The following AGAP1 variants were observed in gnomAD, a reference collection of about 807,000 sequenced individuals.
AGAP1 encodes the protein arf-GAP with GTPase, ANK repeat and PH domain-containing protein 1.
Under a neutral mutation model 105.3 loss-of-function variants are expected in AGAP1, and 29 were observed. That is an observed-to-expected ratio of 0.28 (90% confidence interval 0.21 to 0.38). AGAP1 has a LOEUF of 0.38. Ranked by LOEUF, AGAP1 falls within the 10% of genes least tolerant of loss-of-function variation. The probability of loss-of-function intolerance (pLI) is 1.00; values close to 1 mark genes in which losing one functional copy is unlikely to be tolerated. For synonymous variants in AGAP1, 509 were observed against 485.9 expected, an observed-to-expected ratio of 1.05 and a Z score of -0.63; for missense variants, 998 against 1,165.1, an observed-to-expected ratio of 0.86 and a Z score of 2.09.
chr2:236,007,602 A>G (rs1306740247), intron 13 of AGAP1, among the ~76,000 whole-genome samples: 1 of 152,270 alleles, frequency 6.6e-6, no homozygotes, highest in Non-Finnish European at 1.5e-5. Flanking sequence ...TTTTATTAAA[A>G]AACAATTTTT....
chr2:235,890,162 CTTTTT>C (rs3059035), intron 10 of AGAP1, among the ~76,000 whole-genome samples: 1 of 132,472 alleles, frequency 7.5e-6, no homozygotes, highest in African/African-American at 2.8e-5. Flanking sequence ...TAGTTATTCC[CTTTTT>C]TTTTTTTTTT....
rs1946451209 is a variant in AGAP1, at chr2:235,620,748, G to A, written c.164-88431G>A. ...TTGCCGTTTCCCCAGCACCTAGACA[G>A]GACCTAGCCAATGCTAGGCCCTTTG... On this transcript the variant is annotated intron_variant, in intron 1 of 17. Transcript: ENST00000304032. The surrounding 1 kb of genome is among the most constrained non-coding windows in gnomAD (Gnocchi z 4.5). 6.6e-6 allele frequency among the ~76,000 whole-genome samples: 1 copy of A among 152,230 alleles called. No homozygotes were observed. Among genetic ancestry groups the A allele is most frequent in the Non-Finnish European group, 1.5e-5 (1 of 68,044 alleles).
In AGAP1 at chr2:236,055,925, C is replaced by G. The variant is rs1266784783; in HGVS notation, c.2114+6644C>G. On this transcript the variant is annotated intron_variant, in intron 16 of 17. Coordinates refer to ENST00000304032, the MANE Select transcript of AGAP1 (RefSeq NM_001037131.3). This position sits in a 1 kb window ranked among gnomAD's most constrained non-coding sequence, Gnocchi z 6.2. ...GCTTCAGTTTACTAGAGCTCAGGGC[C>G]CGGATCAGAAATATTCTGCTATAAA... Among the ~76,000 whole-genome samples, 1 of 152,064 alleles carries G rather than the reference C, an allele frequency of 6.6e-6. No individual in the cohort carries two copies. Among genetic ancestry groups the G allele is most frequent in the Non-Finnish European group, 1.5e-5 (1 of 68,016 alleles).
intron 1 of AGAP1, among the ~76,000 whole-genome samples, chr2:235,686,666 T>TATATATATATATATATATATA (rs1222184438): frequency 1.7e-5 from 1 of 60,488 alleles, no homozygotes; most frequent in Non-Finnish European, 2.8e-5. Flanking sequence ...TATATATATA[T>TATATATATATATATATATATA]TTTTTTTTTT....
At chr2:235,812,820 G>A (rs919843170) in intron 9 of AGAP1, among the ~76,000 whole-genome samples, 1 of 152,202 alleles carries the variant, frequency 6.6e-6, no homozygotes, top group African/African-American at 2.4e-5. Flanking sequence ...CAAGGTGAGC[G>A]AGAGGCCCGC....
At position 235,659,812 on chromosome 2, in the gene AGAP1, C is replaced by G. The variant is rs1012469140; in HGVS notation, c.164-49367C>G. Among the ~76,000 whole-genome samples, 2 of 152,194 alleles carry G rather than the reference C, an allele frequency of 1.3e-5. No homozygotes were observed. The highest frequency in any genetic ancestry group is 2.9e-5 in the Non-Finnish European group (2 of 68,042). ...GGGGCCCTGGCCTCTGCAGATAAGC[C>G]CTCGGATGCGAAATCTGGGGAACCA... On this transcript the variant is annotated intron_variant, in intron 1 of 17. Coordinates refer to ENST00000304032, the MANE Select transcript of AGAP1 (RefSeq NM_001037131.3). This position sits in a 1 kb window ranked among gnomAD's most constrained non-coding sequence, Gnocchi z 5.0.
Position 235,612,463 on chromosome 2 carries a change from G to A in AGAP1, c.164-96716G>A, listed in dbSNP as rs59635979. Among the ~76,000 whole-genome samples, 7,143 of 152,246 alleles carry A rather than the reference G, an allele frequency of 0.047. 535 individuals are homozygous for A. Among genetic ancestry groups the A allele is most frequent in the African/African-American group, 0.16 (6,576 of 41,506 alleles). The stretch of plus-strand genomic sequence containing the variant: ...TCAGGGGCAGCGCCTAGAGTGCTGG[G>A]CCCTTCCAGATGATCTATGAATTGG... On this transcript the variant is annotated intron_variant, in intron 1 of 17. Transcript: ENST00000304032. The surrounding 1 kb of genome is among the most constrained non-coding windows in gnomAD (Gnocchi z 4.3).
At chr2:235,509,955 T>C (rs945372482) in intron 1 of AGAP1, among the ~76,000 whole-genome samples, 3 of 151,974 alleles carry the variant, frequency 2.0e-5, no homozygotes, top group Admixed American at 6.6e-5. Context: ...TAGATTCTCA[T>C]AAGCGCACAA....
Position 235,700,298 on chromosome 2 carries a change from G to T in AGAP1, c.164-8881G>T, listed in dbSNP as rs1034212341. On this transcript the variant is annotated intron_variant, in intron 1 of 17. Coordinates refer to ENST00000304032, the MANE Select transcript of AGAP1 (RefSeq NM_001037131.3). This position sits in a 1 kb window ranked among gnomAD's most constrained non-coding sequence, Gnocchi z 6.1. ...GCTCCACTCCTCAAGGCTGTAGGTG[G>T]GCCTCTGTTTTCACATTTTAAGAAG... 6.6e-6 allele frequency among the ~76,000 whole-genome samples: 1 copy of T among 152,134 alleles called. No homozygotes were observed. Among genetic ancestry groups the T allele is most frequent in the Admixed American group, 6.5e-5 (1 of 15,278 alleles).
chr2:235,848,635 T>A (rs1228274122), intron 9 of AGAP1, among the ~76,000 whole-genome samples: 5 of 152,196 alleles, frequency 3.3e-5, no homozygotes, highest in Non-Finnish European at 5.9e-5. Context: ...ATTTTCAGAG[T>A]ACTTTTACAT....
Position 235,934,723 on chromosome 2 carries a change from G to T in AGAP1, c.1483+3800G>T, listed in dbSNP as rs1040048680. Among the ~76,000 whole-genome samples the T allele has an allele frequency of 2.0e-5, 3 of 151,870 alleles. No homozygotes were observed. The highest frequency in any genetic ancestry group is 4.4e-5 in the Non-Finnish European group (3 of 68,018). ...TATCTGCCCCCATCCCTAGTCTTTG[G>T]TTTGGATTTCAGAGTCGCTTACTCT... On this transcript the variant is annotated intron_variant, in intron 12 of 17. Transcript: ENST00000304032. This position sits in a 1 kb window ranked among gnomAD's most constrained non-coding sequence, Gnocchi z 4.9.
intron 3 of AGAP1, among the ~76,000 whole-genome samples, chr2:235,735,468 C>A (rs1177623202): frequency 2.6e-5 from 4 of 152,138 alleles, no homozygotes; most frequent in Admixed American, 2.6e-4. Context: ...TTGAAGGAAC[C>A]CAGTTGTTTT....
chr2:235,972,557 T>C, intron 13 of AGAP1, among the ~76,000 whole-genome samples: 1 of 152,160 alleles, frequency 6.6e-6, no homozygotes, highest in East Asian at 1.9e-4. Flanking sequence ...AGCTAGGAGC[T>C]GTGGCCTTCA....
chr2:235,641,889 A>T (rs1011099219), intron 1 of AGAP1, among the ~76,000 whole-genome samples: 2 of 152,290 alleles, frequency 1.3e-5, no homozygotes, highest in East Asian at 3.9e-4. Flanking sequence ...CATTTTCTGC[A>T]TTGCTCCTTG....
intron 9 of AGAP1, among the ~76,000 whole-genome samples, chr2:235,848,702 G>C (rs1351361000): frequency 6.6e-6 from 1 of 152,200 alleles, no homozygotes; most frequent in Non-Finnish European, 1.5e-5. Context: ...CAGATAACCA[G>C]ATGATTTTCC....
chr2:235,563,747 A>C (rs1162407127), intron 1 of AGAP1, among the ~76,000 whole-genome samples: 1 of 152,148 alleles, frequency 6.6e-6, no homozygotes, highest in African/African-American at 2.4e-5. Context: ...ATGGAGAGAG[A>C]GAAGGAAGCT....
rs1418662477 is a variant in AGAP1 at position 236,078,816 on chromosome 2, T to A, written c.2114+29535T>A. ...GTTCTGCCAGGTTGGTTGCCCACCC[T>A]CCTACCCCTGCAGCGGCCCCATCCC... On this transcript the variant is annotated intron_variant, in intron 16 of 17. Coordinates refer to ENST00000304032, the MANE Select transcript of AGAP1 (RefSeq NM_001037131.3). The surrounding 1 kb of genome is among the most constrained non-coding windows in gnomAD (Gnocchi z 5.3). Among the ~76,000 whole-genome samples the A allele has an allele frequency of 6.6e-6, 1 of 152,088 alleles. No homozygotes were observed. The highest frequency in any genetic ancestry group is 1.5e-5 in the Non-Finnish European group (1 of 67,998).
intron 9 of AGAP1, among the ~76,000 whole-genome samples, chr2:235,856,406 A>G (rs1379990616): frequency 1.3e-5 from 2 of 152,224 alleles, no homozygotes; most frequent in Non-Finnish European, 2.9e-5. Context: ...AAACAGCACC[A>G]TGAGGAGGAT....
rs1036268669 is a variant in AGAP1 at position 235,612,295 on chromosome 2, C to G, written c.164-96884C>G. On this transcript the variant is annotated intron_variant, in intron 1 of 17. Transcript: ENST00000304032. The surrounding 1 kb of genome is among the most constrained non-coding windows in gnomAD (Gnocchi z 4.3). ...GGGTGCTTGTGAATTGATTGCACCC[C>G]TCCTGTGGCGTGGAGGCGGTGCCTG... is the stretch of plus-strand genomic sequence containing the variant. 2.6e-5 allele frequency among the ~76,000 whole-genome samples: 4 copies of G among 152,164 alleles called. No individual in the cohort carries two copies. Among genetic ancestry groups the G allele is most frequent in the African/African-American group, 4.8e-5 (2 of 41,442 alleles).
Sources: gnomAD v4.1 joint callset for allele counts (sites outside exome capture counted in the v4.1 genomes callset) on GRCh38, gnomAD v4.1.1 for gene constraint, Gnocchi (gnomAD v3.1) non-coding constraint, MANE v1.5 for transcripts, NCBI Gene and HGNC (gene_info 2026-07-23, HGNC 2026-07-21) for gene names.